The following NCKAP1 variants were observed in gnomAD, a reference collection of about 807,000 sequenced individuals.
The protein encoded by NCKAP1 is nck-associated protein 1.
Under a neutral mutation model 151.2 loss-of-function variants are expected in NCKAP1, and 21 were observed. The ratio of observed to expected loss-of-function variants is 0.14; its 90% CI spans 0.10 to 0.20. The LOEUF (loss-of-function observed/expected upper bound fraction) is 0.20, where lower values mean the gene tolerates loss of function less well. Among genes scored for constraint, NCKAP1 ranks in the 10% least tolerant of loss-of-function variants. NCKAP1 has a pLI of 1.00. For synonymous variants in NCKAP1, 484 were observed against 451.8 expected, an observed-to-expected ratio of 1.07 and a Z score of -0.90; for missense variants, 933 against 1,352.1, an observed-to-expected ratio of 0.69 and a Z score of 4.86.
At chr2:182,959,182 A>G (rs1697387994) in intron 18 of NCKAP1, among the ~76,000 whole-genome samples, 2 of 152,232 alleles carry the variant, frequency 1.3e-5, no homozygotes, top group Admixed American at 6.5e-5. Flanking sequence ...AAAAAAATGC[A>G]TAAGAAATTA....
At chr2:182,976,013 G>A (rs528002047) in intron 15 of NCKAP1, among the ~76,000 whole-genome samples, 1 of 152,198 alleles carries the variant, frequency 6.6e-6, no homozygotes, top group East Asian at 1.9e-4. Flanking sequence ...AAAAATATAG[G>A]CCAGTTATTA....
intron 14 of NCKAP1, 51 bp downstream of exon 14, chr2:182,978,783 T>C: frequency 1.8e-6 from 2 of 1,099,292 alleles, no homozygotes; most frequent in Non-Finnish European, 2.6e-6. Context: ...AATAATCAAG[T>C]TTGAAAATCT....
chr2:182,962,771 G>C (rs1298566486), intron 17 of NCKAP1, among the ~76,000 whole-genome samples: 3 of 149,450 alleles, frequency 2.0e-5, no homozygotes, highest in African/African-American at 4.9e-5. Context: ...TTTGGTAATA[G>C]AAAGTCCAAG....
intron 1 of NCKAP1, among the ~76,000 whole-genome samples, chr2:183,029,821 G>GAAAAAAAA (rs71405500): frequency 2.0e-5 from 1 of 50,740 alleles, no homozygotes; most frequent in Non-Finnish European, 3.8e-5. Flanking sequence ...ACCCTGACTC[G>GAAAAAAAA]AAAAAAAAAA....
intron 2 of NCKAP1, among the ~76,000 whole-genome samples, chr2:183,020,308 CA>C (rs1698770637): frequency 1.3e-5 from 2 of 151,326 alleles, no homozygotes; most frequent in South Asian, 4.2e-4. Flanking sequence ...ACAAAATATA[CA>C]AAAAGTTAGC....
At chr2:183,024,695 C>G (rs1476751046) in intron 1 of NCKAP1, among the ~76,000 whole-genome samples, 2 of 152,126 alleles carry the variant, frequency 1.3e-5, no homozygotes, top group Non-Finnish European at 2.9e-5. Context: ...TGTTTTATTA[C>G]GTGACATTAA....
At position 183,002,980 on chromosome 2, in the gene NCKAP1, AAAG is replaced by A. The variant is rs1451781297; in HGVS notation, c.360_362del (p.Phe121del). On this transcript the variant is annotated inframe_deletion, in exon 4 of 31. Transcript: ENST00000361354. ...TTCTGAAAATGATACTTACAATATC[AAAG>A]AAGACTTGGCAAACGTCAATAGTAT... The A allele has an allele frequency of 1.2e-6, 2 of 1,607,570 alleles. No individual in the cohort carries two copies. Among genetic ancestry groups the A allele is most frequent in the Non-Finnish European group, 1.7e-6 (2 of 1,175,660 alleles).
At chr2:183,025,316 G>A (rs1319261542) in intron 1 of NCKAP1, among the ~76,000 whole-genome samples, 3 of 152,016 alleles carry the variant, frequency 2.0e-5, no homozygotes, top group Non-Finnish European at 4.4e-5. Flanking sequence ...ATAAAAACAG[G>A]AGCAAAACCA....
intron 13 of NCKAP1, among the ~76,000 whole-genome samples, chr2:182,979,609 A>G (rs1406013371): frequency 6.6e-6 from 1 of 152,130 alleles, no homozygotes. Flanking sequence ...ATTTTGTTAC[A>G]TATATTTTAC....
chr2:182,926,771 G>A lies in NCKAP1; in HGVS notation c.3270+45C>T, dbSNP rs369352760. On this transcript the variant is annotated intron_variant, in intron 30 of 30. Coordinates refer to ENST00000361354, the MANE Select transcript of NCKAP1 (RefSeq NM_013436.5). ...ATGCCAAGAAAAGATTCTCAGGAAC[G>A]ACTGGAACTTTTTTATTGTTAGTAA... 13 of 1,304,046 alleles carry A rather than the reference G, an allele frequency of 1.0e-5. No individual in the cohort carries two copies. In the African/African-American group the frequency reaches 1.1e-4, roughly 11 times the overall value. 80.8% of individuals were successfully genotyped at this position (1,304,046 alleles called of 1,614,324 possible).
intron 2 of NCKAP1, among the ~76,000 whole-genome samples, chr2:183,004,553 C>A (rs1698433311): frequency 6.8e-6 from 1 of 147,302 alleles, no homozygotes. Flanking sequence ...TAGGGTAAAC[C>A]ACCCTAAATA....
Position 182,918,125 on chromosome 2 carries a change from G to C in NCKAP1, c.*7577C>G, listed in dbSNP as rs1696494872. 6.6e-6 allele frequency: 1 copy of C among 152,148 alleles called. No individual in the cohort carries two copies. Among genetic ancestry groups the C allele is most frequent in the Admixed American group, 6.5e-5 (1 of 15,274 alleles). 9.4% of individuals were successfully genotyped at this position (152,148 alleles called of 1,614,324 possible). A position where few individuals can be genotyped will look rare whatever the true frequency, so the allele number is the denominator to read the frequency against. On this transcript the variant is annotated 3_prime_UTR_variant, in exon 31 of 31. Coordinates refer to ENST00000361354, the MANE Select transcript of NCKAP1 (RefSeq NM_013436.5). Reference sequence around the variant, plus strand: ...GGGCAAGGAATTTAAAGTTTTATGAGCTGGTTTCCACATTCATTTACAAAA... The same window carrying C: ...GGGCAAGGAATTTAAAGTTTTATGACCTGGTTTCCACATTCATTTACAAAA...
At position 183,035,550 on chromosome 2, in the gene NCKAP1, T is replaced by C. The variant is rs534987080; in HGVS notation, c.108+2442A>G. ...GTTTTTTTTTTAAGACTAGAAGAGG[T>C]TGAGATTGAAAAGAGTATGTGGTTT... On this transcript the variant is annotated intron_variant, in intron 1 of 30. Coordinates refer to ENST00000361354, the MANE Select transcript of NCKAP1 (RefSeq NM_013436.5). 7.2e-4 allele frequency among the ~76,000 whole-genome samples: 109 copies of C among 151,694 alleles called. 1 individual carries two copies. Among genetic ancestry groups the C allele is most frequent in the East Asian group, 9.7e-4 (5 of 5,158 alleles).
At chr2:182,965,641 T>C (rs572035287) in intron 16 of NCKAP1, among the ~76,000 whole-genome samples, 16 of 152,286 alleles carry the variant, frequency 1.1e-4, no homozygotes, top group African/African-American at 3.6e-4. Flanking sequence ...AAAAATAGAA[T>C]GCAACTATGA....
At position 182,914,433 on chromosome 2, in the gene NCKAP1, T is replaced by C. The variant is rs578119107; in HGVS notation, c.*11269A>G. ...CAGGCAATTTCTATTTCTTTAACTT[T>C]CCTACTCAAGCATTGTTTTTAAATG... On this transcript the variant is annotated 3_prime_UTR_variant, in exon 31 of 31. Transcript: ENST00000361354. 4 of 152,308 alleles carry C rather than the reference T, an allele frequency of 2.6e-5. No homozygotes were observed. The South Asian group carries it at 8.3e-4, about 32-fold the overall frequency. The allele number at this position is 152,308 out of a possible 1,614,324, so 9.4% of individuals were successfully genotyped here. A position where few individuals can be genotyped will look rare whatever the true frequency, so the allele number is the denominator to read the frequency against.
chr2:182,964,279 TAA>T (rs1224795921), intron 17 of NCKAP1, among the ~76,000 whole-genome samples: 2 of 152,150 alleles, frequency 1.3e-5, no homozygotes, highest in African/African-American at 4.8e-5. Context: ...TTAGTAATAA[TAA>T]GTTAGTGAAT....
In NCKAP1 at chr2:182,982,862, T is replaced by C; in HGVS notation, c.1167A>G (p.Ala389=). The change falls in exon 12 of 31, where the codon GCA becomes GCG. Residue 389 remains alanine (A), a synonymous_variant. Coordinates refer to ENST00000361354, the MANE Select transcript of NCKAP1 (RefSeq NM_013436.5). The part of the protein sequence containing the change: ...RDEIIWLLRH[A]DNMPKKSADD... The stretch of plus-strand genomic sequence containing the variant: ...CTGCACTCTTCTTTGGCATGTTATC[T>C]GCATGACGAAGTAGCCAGATGATTT... 1 of 1,612,094 alleles carries C rather than the reference T, an allele frequency of 6.2e-7. No homozygotes were observed. Among genetic ancestry groups the C allele is most frequent in the Non-Finnish European group, 8.5e-7 (1 of 1,179,096 alleles).
intron 14 of NCKAP1, among the ~76,000 whole-genome samples, chr2:182,978,567 A>G (rs1044233879): frequency 6.6e-6 from 1 of 152,182 alleles, no homozygotes; most frequent in African/African-American, 2.4e-5. Context: ...TGGACCAAAT[A>G]TATGATTTGC....
chr2:182,997,170 T>G (rs187388361), intron 6 of NCKAP1, among the ~76,000 whole-genome samples: 1 of 152,206 alleles, frequency 6.6e-6, no homozygotes, highest in South Asian at 2.1e-4. Flanking sequence ...TAAGAGTCTG[T>G]CAACCTTATT....
Sources: allele counts gnomAD v4.1 joint callset (sites outside exome capture counted in the v4.1 genomes callset), GRCh38; gene constraint gnomAD v4.1.1; transcripts MANE v1.5; gene names NCBI Gene and HGNC (gene_info 2026-07-23, HGNC 2026-07-21).